The following CNIH3 variants were observed in gnomAD, a reference collection of about 807,000 sequenced individuals.
CNIH3 encodes cornichon family AMPA receptor auxiliary protein 3, also known as protein cornichon homolog 3.
In CNIH3, 14 loss-of-function variants were observed where a neutral mutation model predicts 24.1. The observed-to-expected ratio is 0.58, with a 90% CI of 0.38 to 0.91. The LOEUF (loss-of-function observed/expected upper bound fraction) is 0.91, where lower values mean the gene tolerates loss of function less well. CNIH3 is among the 40% of genes least tolerant of loss of function. The pLI is 0.00. For synonymous variants in CNIH3, 68 were observed against 73.8 expected (o/e 0.92, Z 0.40); for missense variants, 178 against 196.8 (o/e 0.90, Z 0.57).
At chr1:224,678,488 C>G (rs564491446) in intron 1 of CNIH3, among the ~76,000 whole-genome samples, 95 of 152,260 alleles carry the variant, frequency 6.2e-4, no homozygotes, top group African/African-American at 2.3e-3. Context: ...ACATTTACAA[C>G]CTGAAACATC....
At chr1:224,702,937 G>A (rs1687582387) in intron 3 of CNIH3, among the ~76,000 whole-genome samples, 1 of 152,044 alleles carries the variant, frequency 6.6e-6, no homozygotes, top group African/African-American at 2.4e-5. Flanking sequence ...TACTGTCCTG[G>A]GCCTGCAGAA....
At chr1:224,730,353 G>C in intron 3 of CNIH3, 109 bp from the exon 4 acceptor site, 2 of 688,036 alleles carry the variant, frequency 2.9e-6, no homozygotes, top group Non-Finnish European at 5.2e-6. Flanking sequence ...GAGGGCCTTT[G>C]TGTCAACCGT....
chr1:224,533,272 C>A (rs1298456294), intron 2 of CNIH3, among the ~76,000 whole-genome samples: 1 of 151,238 alleles, frequency 6.6e-6, no homozygotes, highest in East Asian at 1.9e-4. Flanking sequence ...ATAAAATTGG[C>A]TGAGAGTAGT....
intron 2 of CNIH3, among the ~76,000 whole-genome samples, chr1:224,681,391 G>A (rs909327506): frequency 7.9e-5 from 12 of 152,338 alleles, no homozygotes; most frequent in African/African-American, 2.4e-4. Flanking sequence ...GTGGATGTCC[G>A]TGCTGCACTC....
chr1:224,517,596 T>C (rs752276489), intron 1 of CNIH3, among the ~76,000 whole-genome samples: 4 of 152,112 alleles, frequency 2.6e-5, no homozygotes, highest in Non-Finnish European at 5.9e-5. Context: ...GTGTACACTG[T>C]ACCCAGTGTG....
chr1:224,640,716 T>C (rs1684315389), intron 1 of CNIH3, among the ~76,000 whole-genome samples: 1 of 152,168 alleles, frequency 6.6e-6, no homozygotes, highest in Admixed American at 6.5e-5. Flanking sequence ...TGTGAACTGG[T>C]GGGGTGTCAT....
chr1:224,629,612 G>A (rs999201022), intron 1 of CNIH3, among the ~76,000 whole-genome samples: 11 of 152,066 alleles, frequency 7.2e-5, no homozygotes, highest in African/African-American at 1.4e-4. Flanking sequence ...GTGGGTGTAC[G>A]AGCATCCAGG....
At chr1:224,654,568 A>G (rs1405063820) in intron 1 of CNIH3, among the ~76,000 whole-genome samples, 1 of 152,196 alleles carries the variant, frequency 6.6e-6, no homozygotes, top group African/African-American at 2.4e-5. Flanking sequence ...GCCACTGTTG[A>G]TGCCTGTTTC....
At chr1:224,503,724 A>G (rs545280952) in intron 1 of CNIH3, among the ~76,000 whole-genome samples, 80 of 152,344 alleles carry the variant, frequency 5.3e-4, no homozygotes, top group African/African-American at 1.7e-3. Flanking sequence ...CGACTTCCCT[A>G]TTGAAAACAC....
intron 1 of CNIH3, among the ~76,000 whole-genome samples, chr1:224,509,591 C>G (rs781132024): frequency 1.3e-5 from 2 of 152,190 alleles, no homozygotes; most frequent in African/African-American, 2.4e-5. Context: ...TCCCAAGTAC[C>G]CTGCCTGCCC....
At chr1:224,574,005 C>T (rs1680930069) in intron 4 of CNIH3, among the ~76,000 whole-genome samples, 1 of 152,150 alleles carries the variant, frequency 6.6e-6, no homozygotes, top group Non-Finnish European at 1.5e-5. Flanking sequence ...CTCAAGGATC[C>T]TCCCACCTCA....
At chr1:224,530,968 C>T (rs116167214) in intron 2 of CNIH3, among the ~76,000 whole-genome samples, 371 of 152,118 alleles carry the variant, frequency 2.4e-3, no homozygotes, top group African/African-American at 8.5e-3. Context: ...CTTTTTTCCC[C>T]CCTAGGATAA....
chr1:224,521,306 T>A (rs1024205064), exon 2 of CNIH3: 8 of 152,142 alleles, frequency 5.3e-5, no homozygotes, highest in African/African-American at 1.9e-4. Flanking sequence ...GAAATTGAGA[T>A]TCCATCAGCC....
At chr1:224,681,154 C>A in intron 2 of CNIH3, 128 bp downstream of exon 2, 2 of 791,074 alleles carry the variant, frequency 2.5e-6, no homozygotes, top group South Asian at 3.1e-5. Flanking sequence ...TGCCTCTCTA[C>A]CTGGCTCAAG....
intron 1 of CNIH3, among the ~76,000 whole-genome samples, chr1:224,494,578 G>A (rs1336275886): frequency 3.3e-5 from 5 of 152,150 alleles, no homozygotes; most frequent in African/African-American, 1.2e-4. Flanking sequence ...GGCTGAAGCC[G>A]TGTGATAACC....
In CNIH3 at chr1:224,617,238, T is replaced by G. The variant is rs1683051205; in HGVS notation, c.64T>G (p.Phe22Val). The change falls in exon 1 of 6, where the codon TTC becomes GTC. Residue 22 changes from phenylalanine (F) to valine (V), a missense_variant. By Grantham distance (50) the Phe-to-Val change is conservative (BLOSUM62 -1). Transcript: ENST00000272133. The part of the protein sequence containing the change: ...LSLVLCAALI[F>V]FAIWHIIAFD... ...TCTGGTGCTGTGCGCTGCGCTCATCTTCTTCGCCATCTGGCACGTGAGTAA... is the reference window on the plus strand; with the variant it reads ...TCTGGTGCTGTGCGCTGCGCTCATCGTCTTCGCCATCTGGCACGTGAGTAA... The G allele has an allele frequency of 1.7e-5, 27 of 1,614,030 alleles. No homozygotes were observed. Among genetic ancestry groups the G allele is most frequent in the Non-Finnish European group, 2.1e-5 (25 of 1,179,972 alleles).
chr1:224,738,908 A>G (rs901470081), intron 5 of CNIH3, among the ~76,000 whole-genome samples: 5 of 152,054 alleles, frequency 3.3e-5, no homozygotes, highest in Admixed American at 1.3e-4. Context: ...GCACTACCGT[A>G]TTATCCAGCA....
At chr1:224,567,233 A>T (rs1322472852) in intron 4 of CNIH3, among the ~76,000 whole-genome samples, 1 of 151,910 alleles carries the variant, frequency 6.6e-6, no homozygotes, top group Non-Finnish European at 1.5e-5. Flanking sequence ...TTTTCTTGTA[A>T]ATTTGTTTAA....
intron 3 of CNIH3, among the ~76,000 whole-genome samples, chr1:224,700,179 G>A (rs1216354460): frequency 6.6e-6 from 1 of 152,146 alleles, no homozygotes; most frequent in African/African-American, 2.4e-5. Flanking sequence ...AAAACCCCAC[G>A]TCTTGTTTGC....
Sources: allele counts gnomAD v4.1 joint callset (sites outside exome capture counted in the v4.1 genomes callset), GRCh38; gene constraint gnomAD v4.1.1; transcripts MANE v1.5; gene names NCBI Gene and HGNC (gene_info 2026-07-23, HGNC 2026-07-21).